Variants in ZNF746 observed in about 807,000 individuals in gnomAD.
ZNF746 encodes zinc finger protein 746, also known as parkin-interacting substrate.
A neutral mutation model predicts 41.0 loss-of-function variants in ZNF746; 13 were observed. The observed-to-expected ratio is 0.32, with a 90% CI of 0.21 to 0.50. The LOEUF (loss-of-function observed/expected upper bound fraction) is 0.50. ZNF746 is among the 20% of genes least tolerant of loss of function. ZNF746 has a pLI of 0.98. For missense variants in ZNF746, 811 were observed against 922.9 expected, an observed-to-expected ratio of 0.88 and a Z score of 1.57; for synonymous variants, 424 against 396.2, an observed-to-expected ratio of 1.07 and a Z score of -0.83.
chr7:149,493,499 A>G (rs1268492884), intron 3 of ZNF746, among the ~76,000 whole-genome samples: 2 of 152,122 alleles, frequency 1.3e-5, no homozygotes, highest in Non-Finnish European at 2.9e-5. Flanking sequence ...CAAGGAGAAG[A>G]GCAGTAGCCC....
At chr7:149,488,793 AC>A (rs1224826415) in intron 4 of ZNF746, 8 of 152,248 alleles carry the variant, frequency 5.3e-5, no homozygotes, top group Admixed American at 5.2e-4. Flanking sequence ...AATCAAGCCT[AC>A]GACGTGGTGA....
chr7:149,474,311 C>T lies in ZNF746; in HGVS notation c.*73G>A. 1.3e-6 allele frequency: 2 copies of T among 1,528,122 alleles called. No individual in the cohort carries two copies. Among genetic ancestry groups the T allele is most frequent in the Non-Finnish European group, 1.8e-6 (2 of 1,131,584 alleles). 94.7% of individuals were successfully genotyped at this position (1,528,122 alleles called of 1,614,324 possible). On this transcript the variant is annotated 3_prime_UTR_variant, in exon 7 of 7. Coordinates refer to ENST00000458143, the MANE Select transcript of ZNF746 (RefSeq NM_001394198.1). This position sits in a 1 kb window ranked among gnomAD's most constrained non-coding sequence, Gnocchi z 6.3. ...CCCGTCCCGCGTCTGCCTGAAGCTT[C>T]CACGCCGCCCTGCTGCCTGCACACG...
rs778452903 is a variant in ZNF746, at chr7:149,474,831, A to ACCGCCG, written c.1530_1535dup (p.Gly513_Gly514dup). 1.4e-6 allele frequency: 2 copies of ACCGCCG among 1,414,568 alleles called. No homozygotes were observed. Among genetic ancestry groups the ACCGCCG allele is most frequent in the East Asian group, 2.9e-5 (1 of 34,580 alleles). The allele number at this position is 1,414,568 out of a possible 1,614,324, so 87.6% of individuals were successfully genotyped here. ...GTGCGCTGCCCCCACCGCTGCCGCC[A>ACCGCCG]CCGCCGCCGCCACTGCCGCTGCCGC... On this transcript the variant is annotated inframe_insertion, in exon 7 of 7. Coordinates refer to ENST00000458143, the MANE Select transcript of ZNF746 (RefSeq NM_001394198.1). The surrounding 1 kb of genome is among the most constrained non-coding windows in gnomAD (Gnocchi z 6.3).
intron 3 of ZNF746, among the ~76,000 whole-genome samples, chr7:149,493,686 C>G (rs1378802633): frequency 6.6e-6 from 1 of 152,194 alleles, no homozygotes; most frequent in Non-Finnish European, 1.5e-5. Flanking sequence ...CATACTGGAT[C>G]TGAGAGCAGA....
intron 4 of ZNF746, chr7:149,489,780 G>A (rs570139249): frequency 6.5e-6 from 1 of 153,632 alleles, no homozygotes; most frequent in East Asian, 1.9e-4. Context: ...AGGAGGAGAG[G>A]GGCTGGCAGG....
intron 1 of ZNF746, among the ~76,000 whole-genome samples, chr7:149,495,321 A>G (rs1406248986): frequency 2.0e-5 from 3 of 152,216 alleles, no homozygotes; most frequent in Non-Finnish European, 2.9e-5. Context: ...CTGTACCAGG[A>G]GCAGTGACAT....
chr7:149,484,008 T>C (rs995370293), intron 4 of ZNF746, among the ~76,000 whole-genome samples: 1 of 152,100 alleles, frequency 6.6e-6, no homozygotes, highest in South Asian at 2.1e-4. Flanking sequence ...CTGCCAAAAC[T>C]AAAGAAGAAA....
chr7:149,489,955 A>AG (rs11418439), intron 4 of ZNF746: 152,261 of 152,264 alleles, frequency 1, 76,129 homozygotes, highest in Middle Eastern at 1. Context: ...GATGTCCCCA[A>AG]GGGCTCTGCC....
At chr7:149,488,792 T>C (rs1453807206) in intron 4 of ZNF746, 1 of 152,162 alleles carries the variant, frequency 6.6e-6, no homozygotes, top group Non-Finnish European at 1.5e-5. Flanking sequence ...AAATCAAGCC[T>C]ACGACGTGGT....
intron 4 of ZNF746, among the ~76,000 whole-genome samples, chr7:149,482,862 AG>A (rs1214600367): frequency 6.6e-6 from 1 of 152,230 alleles, no homozygotes; most frequent in Non-Finnish European, 1.5e-5. Context: ...TCTTTACAGT[AG>A]GGGATTTTGA....
rs921440241 is a variant in ZNF746 at position 149,497,278 on chromosome 7, G to A, written c.24+235C>T. The A allele has an allele frequency of 2.0e-6, 2 of 985,142 alleles. No homozygotes were observed. The highest frequency in any genetic ancestry group is 1.1e-4 in the East Asian group (1 of 8,774). 61.0% of individuals were successfully genotyped at this position (985,142 alleles called of 1,614,324 possible). ...GGGCCCAAAGAACTTGGCGTGGGGC[G>A]GCCCGGGGCGGGGACAACCGTTCCG... On this transcript the variant is annotated intron_variant, in intron 1 of 6. Transcript: ENST00000458143. This position sits in a 1 kb window ranked among gnomAD's most constrained non-coding sequence, Gnocchi z 4.2.
At chr7:149,480,310 G>T (rs907445550) in intron 4 of ZNF746, among the ~76,000 whole-genome samples, 3 of 152,088 alleles carry the variant, frequency 2.0e-5, no homozygotes, top group African/African-American at 7.2e-5. Context: ...ATTATTTACA[G>T]AAATAAAAAG....
chr7:149,493,247 G>A (rs777884617), intron 3 of ZNF746, among the ~76,000 whole-genome samples: 9 of 152,270 alleles, frequency 5.9e-5, no homozygotes, highest in Non-Finnish European at 1.0e-4. Context: ...AGAGGATGCC[G>A]CCGACACACA....
rs1431522418 is a variant in ZNF746, at chr7:149,475,466, T to C, written c.901A>G (p.Ile301Val). 6.2e-7 allele frequency: 1 copy of C among 1,612,010 alleles called. No individual in the cohort carries two copies. The highest frequency in any genetic ancestry group is 1.3e-5 in the African/African-American group (1 of 74,938). Residue 301 changes from isoleucine to valine, a missense_variant, in exon 7 of 7, where the codon ATA (isoleucine) becomes GTA (valine). Ile to Val is a conservative substitution (Grantham distance 29, BLOSUM62 3). This residue lies in a region of ZNF746 where 495 missense variants were observed against 481.6 expected (regional missense o/e 1.03). Transcript: ENST00000458143. ...TCCTCTTCCTGGACTTCTGTTTTTA[T>C]TACAATTTTTACATCTGCTGAGAAA... ...ASTEADVKIV[I>V]KTEVQEEEVV...
chr7:149,486,420 AAAAAAG>A (rs1208044294), intron 4 of ZNF746, among the ~76,000 whole-genome samples: 41 of 152,122 alleles, frequency 2.7e-4, no homozygotes, highest in African/African-American at 8.9e-4. Context: ...GCAAAAAAAA[AAAAAAG>A]AAAAGAAAAG....
At chr7:149,495,958 G>A (rs1800980830) in intron 1 of ZNF746, among the ~76,000 whole-genome samples, 1 of 142,814 alleles carries the variant, frequency 7.0e-6, no homozygotes, top group African/African-American at 2.7e-5. Flanking sequence ...CACCTGGGTG[G>A]GCCAGCGTGG....
rs1044172190 is a variant in ZNF746 at position 149,497,348 on chromosome 7, G to A, written c.24+165C>T. Reference sequence around the variant, plus strand: ...CGGAGTGGGGGCCCGGCCGACGGGCGCAGTAGGCCCCGGCGGACCCCGCGC... The same window carrying A: ...CGGAGTGGGGGCCCGGCCGACGGGCACAGTAGGCCCCGGCGGACCCCGCGC... On this transcript the variant is annotated intron_variant, in intron 1 of 6. Transcript: ENST00000458143. The surrounding 1 kb of genome is among the most constrained non-coding windows in gnomAD (Gnocchi z 4.2). 1.6e-5 allele frequency: 16 copies of A among 974,512 alleles called. No individual in the cohort carries two copies. The African/African-American group carries it at 2.5e-4, about 15-fold the overall frequency. The allele number at this position is 974,512 out of a possible 1,614,324, so 60.4% of individuals were successfully genotyped here.
chr7:149,474,867 G>C lies in ZNF746; in HGVS notation c.1500C>G (p.Gly500=). 1 of 1,489,148 alleles carries C rather than the reference G, an allele frequency of 6.7e-7. No homozygotes were observed. Among genetic ancestry groups the C allele is most frequent in the Non-Finnish European group, 8.9e-7 (1 of 1,126,066 alleles). The allele number at this position is 1,489,148 out of a possible 1,614,324, so 92.2% of individuals were successfully genotyped here. A position where few individuals can be genotyped will look rare whatever the true frequency, so the allele number is the denominator to read the frequency against. Residue 500 remains glycine, a synonymous_variant, in exon 7 of 7, where the codon GGC becomes GGG. Transcript: ENST00000458143. This position sits in a 1 kb window ranked among gnomAD's most constrained non-coding sequence, Gnocchi z 6.3. ...CACTGCCGCTGCCGCCACCGCCTGT[G>C]CCCGGGCCCGACCCGTCGGGCGCCC... ...SCGAPDGSGP[G]TGGGGSGSGG...
chr7:149,477,826 C>T lies in ZNF746; in HGVS notation c.566-71G>A, dbSNP rs901665747. 2.0e-5 allele frequency: 27 copies of T among 1,329,874 alleles called. No individual in the cohort carries two copies. The South Asian group carries it at 2.3e-4, about 11-fold the overall frequency. The allele number at this position is 1,329,874 out of a possible 1,614,324, so 82.4% of individuals were successfully genotyped here. On this transcript the variant is annotated intron_variant, in intron 4 of 6. Transcript: ENST00000458143. ...GCCCTGGGGCATACACGCATCCAGC[C>T]GGAGAGATAGACACAGGGGCCTTAC...
Sources: gnomAD v4.1 joint callset for allele counts (sites outside exome capture counted in the v4.1 genomes callset) on GRCh38, gnomAD v4.1.1 for gene constraint, gnomAD v4.1.1 regional missense constraint, Gnocchi (gnomAD v3.1) non-coding constraint, MANE v1.5 for transcripts, NCBI Gene and HGNC (gene_info 2026-07-23, HGNC 2026-07-21) for gene names.